The following DOCK3 variants were observed in gnomAD, a reference collection of about 807,000 sequenced individuals.
DOCK3 encodes dedicator of cytokinesis protein 3.
Under a neutral mutation model 265.6 loss-of-function variants are expected in DOCK3, and 60 were observed. The ratio of observed to expected loss-of-function variants is 0.23; its 90% CI spans 0.18 to 0.28. The LOEUF (loss-of-function observed/expected upper bound fraction) is 0.28, where lower values mean the gene tolerates loss of function less well. Among genes scored for constraint, DOCK3 ranks in the 10% least tolerant of loss-of-function variants. The pLI is 1.00. For missense variants in DOCK3, 1,981 were observed against 2,594.3 expected, an observed-to-expected ratio of 0.76 and a Z score of 5.14; for synonymous variants, 881 against 938.0, an observed-to-expected ratio of 0.94 and a Z score of 1.11.
At chr3:51,041,194 ATATATATATATTTTTTTTTTTTT>A (rs2080505364) in intron 5 of DOCK3, among the ~76,000 whole-genome samples, 2 of 15,446 alleles carry the variant, frequency 1.3e-4, no homozygotes, top group African/African-American at 8.6e-4. Flanking sequence ...ATATATATAT[ATATATATATATTTTTTTTTTTTT>A]TTTTTTTTTT....
At chr3:50,889,701 C>G (rs1309734447) in intron 3 of DOCK3, among the ~76,000 whole-genome samples, 1 of 152,016 alleles carries the variant, frequency 6.6e-6, no homozygotes, top group Non-Finnish European at 1.5e-5. Context: ...AGATACATGA[C>G]AAGTTCTGTA....
intron 1 of DOCK3, chr3:50,719,779 A>G (rs904102827): frequency 1.3e-5 from 12 of 896,856 alleles, no homozygotes; most frequent in Non-Finnish European, 2.1e-5. Flanking sequence ...TGGTGTGTGA[A>G]GTCACTACCC....
intron 3 of DOCK3, among the ~76,000 whole-genome samples, chr3:50,854,686 C>T (rs1226676233): frequency 7.0e-6 from 1 of 142,774 alleles, no homozygotes; most frequent in East Asian, 2.2e-4. Flanking sequence ...GTTTTGGCCT[C>T]CCAATGTGCT....
intron 9 of DOCK3, among the ~76,000 whole-genome samples, chr3:51,113,786 A>C (rs7652818): frequency 5.3e-5 from 8 of 152,142 alleles, no homozygotes; most frequent in Admixed American, 5.2e-4. Flanking sequence ...TGCTATTTGA[A>C]GTTTGATTCA....
intron 9 of DOCK3, among the ~76,000 whole-genome samples, chr3:51,142,014 A>C (rs554825582): frequency 1.0e-4 from 15 of 149,516 alleles, no homozygotes; most frequent in African/African-American, 3.4e-4. Flanking sequence ...CTGTGATAAA[A>C]CTCACAACTT....
At chr3:51,375,905 T>C in intron 51 of DOCK3, 70 bp downstream of exon 51, 4 of 1,535,198 alleles carry the variant, frequency 2.6e-6, no homozygotes, top group Non-Finnish European at 3.6e-6. Context: ...TGTCCCTGAG[T>C]ACCAGCTGGC....
chr3:50,786,932 C>T, intron 2 of DOCK3: 1 of 738,650 alleles, frequency 1.4e-6, no homozygotes, highest in Non-Finnish European at 2.6e-6. Flanking sequence ...GAATGATTTT[C>T]CACAGGTTTC....
At chr3:50,939,368 C>T (rs1000120869) in intron 5 of DOCK3, among the ~76,000 whole-genome samples, 2 of 151,932 alleles carry the variant, frequency 1.3e-5, no homozygotes, top group Non-Finnish European at 1.5e-5. Context: ...GGAATACTTC[C>T]TAATTCATCT....
rs1437895867 is a variant in DOCK3, at chr3:50,926,770, T to A, written c.219-7211T>A. Among the ~76,000 whole-genome samples the A allele has an allele frequency of 3.3e-5, 5 of 152,294 alleles. No homozygotes were observed. The East Asian group carries it at 7.7e-4, about 24-fold the overall frequency. ...CTGAGAAGAAGAAGGAGAAACTCAGTGTCCTAAATTGTCACATTATGTCAT... is the reference window on the plus strand; with the variant it reads ...CTGAGAAGAAGAAGGAGAAACTCAGAGTCCTAAATTGTCACATTATGTCAT... On this transcript the variant is annotated intron_variant, in intron 4 of 52. Transcript: ENST00000266037.
chr3:51,105,018 A>T (rs988311293), intron 9 of DOCK3, among the ~76,000 whole-genome samples: 2 of 152,224 alleles, frequency 1.3e-5, no homozygotes, highest in Admixed American at 6.5e-5. Flanking sequence ...ATGGGAAAGC[A>T]TGAGTACTCC....
In DOCK3 at chr3:51,173,122, T is replaced by A. The variant is rs1219332393; in HGVS notation, c.1037+12420T>A. On this transcript the variant is annotated intron_variant, in intron 12 of 52. Coordinates refer to ENST00000266037, the MANE Select transcript of DOCK3 (RefSeq NM_004947.5). ...TACCTTTACCAGTGAGTTTATACTT[T>A]CTTTCTTTTTTCTTTTTAGACATAG... 3.9e-5 allele frequency among the ~76,000 whole-genome samples: 6 copies of A among 152,182 alleles called. No individual in the cohort carries two copies. In the East Asian group the frequency reaches 1.2e-3, roughly 29 times the overall value.
intron 21 of DOCK3, 49 bp downstream of exon 21, chr3:51,237,639 A>G (rs955271230): frequency 6.6e-7 from 1 of 1,523,914 alleles, no homozygotes; most frequent in Non-Finnish European, 9.0e-7. Context: ...GAGTAGAAAT[A>G]TAGGCTTTAA....
At chr3:50,765,204 C>T (rs2040798910) in intron 1 of DOCK3, among the ~76,000 whole-genome samples, 2 of 151,374 alleles carry the variant, frequency 1.3e-5, no homozygotes. Context: ...GCCTCAGCCT[C>T]CCGAATAGCT....
At chr3:50,873,702 T>A (rs1443440292) in intron 3 of DOCK3, among the ~76,000 whole-genome samples, 1 of 152,210 alleles carries the variant, frequency 6.6e-6, no homozygotes, top group Non-Finnish European at 1.5e-5. Flanking sequence ...GGTGAGACTT[T>A]CAGGAACTCA....
At chr3:50,714,185 C>T (rs1379892967) in intron 1 of DOCK3, among the ~76,000 whole-genome samples, 1 of 152,086 alleles carries the variant, frequency 6.6e-6, no homozygotes, top group Non-Finnish European at 1.5e-5. Context: ...TTTTGCTATT[C>T]TTTCTCCCTT....
At chr3:51,335,915 CG>C (rs948745586) in intron 35 of DOCK3, among the ~76,000 whole-genome samples, 27 of 150,168 alleles carry the variant, frequency 1.8e-4, no homozygotes, top group African/African-American at 4.7e-4. Context: ...TCACTTTAGC[CG>C]GGGAGGTCGA....
intron 12 of DOCK3, among the ~76,000 whole-genome samples, chr3:51,204,157 T>A (rs1391427557): frequency 6.9e-6 from 1 of 145,526 alleles, no homozygotes; most frequent in South Asian, 2.3e-4. Context: ...AAGCCAAAAT[T>A]GACAAATGGG....
intron 40 of DOCK3, among the ~76,000 whole-genome samples, chr3:51,352,678 C>T (rs772751417): frequency 6.6e-6 from 1 of 152,212 alleles, no homozygotes; most frequent in Non-Finnish European, 1.5e-5. Context: ...TCAGCCAACC[C>T]ACATGCTACC....
At chr3:51,265,842 GC>G (rs1407148312) in intron 23 of DOCK3, among the ~76,000 whole-genome samples, 2 of 152,124 alleles carry the variant, frequency 1.3e-5, no homozygotes, top group African/African-American at 4.8e-5. Flanking sequence ...GGAAGTTCTG[GC>G]CAGGGCAGTC....
Sources: gnomAD v4.1 joint callset for allele counts (sites outside exome capture counted in the v4.1 genomes callset) on GRCh38, gnomAD v4.1.1 for gene constraint, MANE v1.5 for transcripts, NCBI Gene and HGNC (gene_info 2026-07-23, HGNC 2026-07-21) for gene names.